The following IL1RAPL1 variants were observed in gnomAD, a reference collection of about 807,000 sequenced individuals.
The protein encoded by IL1RAPL1 is interleukin-1 receptor accessory protein-like 1.
IL1RAPL1 carries 3 observed loss-of-function variants against 48.4 expected under a neutral mutation model. The observed-to-expected ratio is 0.06, with a 90% CI of 0.03 to 0.16. The LOEUF is 0.16. Ranked by LOEUF, IL1RAPL1 falls within the 10% of genes least tolerant of loss-of-function variation. The pLI, the probability that IL1RAPL1 is intolerant of heterozygous loss-of-function variation, is 1.00. For missense variants in IL1RAPL1, 349 were observed against 530.6 expected (o/e 0.66, Z 3.36); for synonymous variants, 185 against 187.7 (o/e 0.99, Z 0.12).
chrX:28,811,485 G>T (rs1014701641), intron 2 of IL1RAPL1, among the ~76,000 whole-genome samples: 1 of 110,508 alleles, frequency 9.0e-6, no homozygotes, highest in Non-Finnish European at 1.9e-5. Flanking sequence ...GTTGAAGTTG[G>T]AATTTAGATG....
At chrX:29,871,378 C>T (rs1931795411) in intron 6 of IL1RAPL1, among the ~76,000 whole-genome samples, 1 of 112,358 alleles carries the variant, frequency 8.9e-6, no homozygotes, top group African/African-American at 3.2e-5. Context: ...AAGATATTTT[C>T]TAAACCATTG....
chrX:28,840,739 T>A (rs1253677424), intron 2 of IL1RAPL1, among the ~76,000 whole-genome samples: 3 of 110,794 alleles, frequency 2.7e-5, no homozygotes, highest in Non-Finnish European at 5.7e-5. Context: ...CTTAAAAGAC[T>A]TAAGCTTCCG....
chrX:29,459,514 A>G (rs1008615539), intron 5 of IL1RAPL1, among the ~76,000 whole-genome samples: 5 of 111,556 alleles, frequency 4.5e-5, no homozygotes, highest in Non-Finnish European at 9.4e-5. Context: ...ACTGTAAACA[A>G]GCGAGCGGAT....
chrX:28,956,788 G>A (rs1286966415), intron 2 of IL1RAPL1, among the ~76,000 whole-genome samples: 4 of 107,195 alleles, frequency 3.7e-5, no homozygotes, highest in Non-Finnish European at 7.7e-5. Flanking sequence ...AAATGAGTTA[G>A]GGAGGATTCC....
Position 29,033,899 on chromosome X carries a change from GACAC to G in IL1RAPL1, c.82+244496_82+244499del, listed in dbSNP as rs372644096. Among the ~76,000 whole-genome samples, 31 of 103,109 alleles carry G rather than the reference GACAC, an allele frequency of 3.0e-4. No individual in the cohort carries two copies. In the East Asian group the frequency reaches 7.1e-3, roughly 24 times the overall value. 89.5% of individuals were successfully genotyped at this position (103,109 alleles called of 115,157 possible). ...AAGAAAAGGGAAAAGCAAGAAATGGGACACACACACACACACACACACACAAACA... is the reference window on the plus strand; with the variant it reads ...AAGAAAAGGGAAAAGCAAGAAATGGGACACACACACACACACACACAAACA... On this transcript the variant is annotated intron_variant, in intron 2 of 10. Coordinates refer to ENST00000378993, the MANE Select transcript of IL1RAPL1 (RefSeq NM_014271.4).
chrX:29,249,034 G>T (rs1931563838), intron 2 of IL1RAPL1, among the ~76,000 whole-genome samples: 1 of 111,170 alleles, frequency 9.0e-6, no homozygotes, highest in Admixed American at 9.6e-5. Context: ...AAAAGTAGGG[G>T]ATTCGAAACA....
chrX:29,740,143 AAGC>A (rs1315969274), intron 6 of IL1RAPL1, among the ~76,000 whole-genome samples: 1,423 of 104,951 alleles, frequency 0.014, 23 homozygotes, highest in African/African-American at 0.048. Flanking sequence ...AAAAAAAAAG[AAGC>A]AGCAGCAGCA....
At chrX:28,881,865 A>G (rs973203524) in intron 2 of IL1RAPL1, among the ~76,000 whole-genome samples, 1 of 111,010 alleles carries the variant, frequency 9.0e-6, no homozygotes, top group Non-Finnish European at 1.9e-5. Context: ...ATGAACATAT[A>G]TGAAGAGAGA....
intron 2 of IL1RAPL1, among the ~76,000 whole-genome samples, chrX:28,792,745 G>A (rs754557648): frequency 4.1e-5 from 3 of 73,691 alleles, no homozygotes; most frequent in East Asian, 5.2e-4. Flanking sequence ...TCGAGATCAC[G>A]CCACTGCACT....
intron 3 of IL1RAPL1, among the ~76,000 whole-genome samples, chrX:29,301,542 A>G (rs1602159055): frequency 1.8e-5 from 2 of 112,422 alleles, no homozygotes; most frequent in East Asian, 5.6e-4. Flanking sequence ...TTTAGACAAT[A>G]TTCATGGACA....
At chrX:28,811,617 G>A (rs937117348) in intron 2 of IL1RAPL1, among the ~76,000 whole-genome samples, 3 of 110,532 alleles carry the variant, frequency 2.7e-5, no homozygotes, top group African/African-American at 9.8e-5. Flanking sequence ...GGAGATGAAT[G>A]TGAAATAAAT....
At chrX:29,853,507 T>C (rs910082649) in intron 6 of IL1RAPL1, among the ~76,000 whole-genome samples, 8 of 110,565 alleles carry the variant, frequency 7.2e-5, no homozygotes, top group Non-Finnish European at 1.1e-4. Context: ...AAAAGCCCTG[T>C]CTCTCCTTAG....
At position 29,690,846 on chromosome X, in the gene IL1RAPL1, G is replaced by A. The variant is rs370598736; in HGVS notation, c.778+22342G>A. On this transcript the variant is annotated intron_variant, in intron 6 of 10. Coordinates refer to ENST00000378993, the MANE Select transcript of IL1RAPL1 (RefSeq NM_014271.4). ...TATATTATCAAGTTAATGTACTAGCGAGACATCATAAATTATGCTTCATCT... is the reference window on the plus strand; with the variant it reads ...TATATTATCAAGTTAATGTACTAGCAAGACATCATAAATTATGCTTCATCT... 8.1e-5 allele frequency among the ~76,000 whole-genome samples: 9 copies of A among 111,637 alleles called. No individual in the cohort carries two copies. The East Asian group carries it at 1.1e-3, about 14-fold the overall frequency.
At chrX:29,161,859 A>G (rs983458935) in intron 2 of IL1RAPL1, among the ~76,000 whole-genome samples, 4 of 112,250 alleles carry the variant, frequency 3.6e-5, no homozygotes, top group African/African-American at 9.7e-5. Flanking sequence ...ATTACTGGGT[A>G]TATACCCAAA....
intron 3 of IL1RAPL1, chrX:29,369,787 G>A (rs1162214217): frequency 8.9e-6 from 1 of 112,050 alleles, no homozygotes; most frequent in Non-Finnish European, 1.9e-5. Flanking sequence ...CAGAGAAGAT[G>A]TAGAATATCT....
chrX:29,078,034 T>C (rs984361489), intron 2 of IL1RAPL1, among the ~76,000 whole-genome samples: 1 of 112,036 alleles, frequency 8.9e-6, no homozygotes, highest in Non-Finnish European at 1.9e-5. Context: ...TCCCAGCACT[T>C]TGGGAGGCCG....
At chrX:29,595,873 A>T (rs1479586903) in intron 5 of IL1RAPL1, among the ~76,000 whole-genome samples, 4 of 111,572 alleles carry the variant, frequency 3.6e-5, no homozygotes, top group Non-Finnish European at 7.5e-5. Flanking sequence ...TTTAGGTCTT[A>T]GATTTAAGTC....
intron 1 of IL1RAPL1, among the ~76,000 whole-genome samples, chrX:28,615,647 G>A (rs1202517307): frequency 9.0e-6 from 1 of 111,195 alleles, no homozygotes. Context: ...TTGAAGGTCA[G>A]ACACTGCGTG....
intron 2 of IL1RAPL1, among the ~76,000 whole-genome samples, chrX:28,889,545 G>A (rs1922723676): frequency 9.0e-6 from 1 of 111,681 alleles, no homozygotes; most frequent in African/African-American, 3.2e-5. Context: ...GTACTATTTG[G>A]AATGAAGCAC....
Sources: allele counts gnomAD v4.1 joint callset (sites outside exome capture counted in the v4.1 genomes callset), GRCh38; gene constraint gnomAD v4.1.1; transcripts MANE v1.5; gene names NCBI Gene and HGNC (gene_info 2026-07-23, HGNC 2026-07-21).